The following RASGRF2 variants were observed in gnomAD, a reference collection of about 807,000 sequenced individuals.
The protein encoded by RASGRF2 is ras-specific guanine nucleotide-releasing factor 2.
A neutral mutation model predicts 151.0 loss-of-function variants in RASGRF2; 76 were observed. The ratio of observed to expected loss-of-function variants is 0.50; its 90% CI spans 0.42 to 0.61. The LOEUF is 0.61. Among genes scored for constraint, RASGRF2 ranks in the 20% least tolerant of loss-of-function variants. The pLI, the probability that RASGRF2 is intolerant of heterozygous loss-of-function variation, is 0.00. For synonymous variants in RASGRF2, 504 were observed against 566.5 expected (o/e 0.89, Z 1.57); for missense variants, 1,148 against 1,564.6 (o/e 0.73, Z 4.49).
chr5:81,034,826 T>A (rs1245999076), intron 1 of RASGRF2, among the ~76,000 whole-genome samples: 1 of 144,038 alleles, frequency 6.9e-6, no homozygotes, highest in Non-Finnish European at 1.5e-5. Context: ...AGGGATAGCA[T>A]TGGGAGATAT....
At chr5:81,032,378 A>T (rs1750291379) in intron 1 of RASGRF2, among the ~76,000 whole-genome samples, 2 of 152,264 alleles carry the variant, frequency 1.3e-5, no homozygotes, top group Admixed American at 1.3e-4. Flanking sequence ...CCTGATGAAC[A>T]TCGATGTAAA....
intron 5 of RASGRF2, among the ~76,000 whole-genome samples, chr5:81,075,275 T>G (rs1751903434): frequency 6.6e-6 from 1 of 152,090 alleles, no homozygotes; most frequent in Non-Finnish European, 1.5e-5. Flanking sequence ...AAAACAGTTG[T>G]GGATAAAGCA....
chr5:80,995,693 CTTT>C (rs1554083685), intron 1 of RASGRF2, among the ~76,000 whole-genome samples: 987 of 97,244 alleles, frequency 0.01, 33 homozygotes, highest in African/African-American at 0.036. Context: ...TTCCCCCCCC[CTTT>C]TTTTTTTTTT....
chr5:81,087,432 A>C, intron 9 of RASGRF2: 1 of 661,588 alleles, frequency 1.5e-6, no homozygotes, highest in South Asian at 1.6e-5. Flanking sequence ...ATATAATTTG[A>C]TTCAACTGGT....
At position 81,229,386 on chromosome 5, in the gene RASGRF2, A is replaced by G. The variant is rs1287322446; in HGVS notation, c.*3616A>G. 1 of 152,226 alleles carries G rather than the reference A, an allele frequency of 6.6e-6. No individual in the cohort carries two copies. The highest frequency in any genetic ancestry group is 2.4e-5 in the African/African-American group (1 of 41,464). The allele number at this position is 152,226 out of a possible 1,614,324, so 9.4% of individuals were successfully genotyped here. A position where few individuals can be genotyped will look rare whatever the true frequency, so the allele number is the denominator to read the frequency against. ...AGTAAGAAATCAGATTGTAAGTTTA[A>G]TGGCTCCATTATAGATACCACCGTG... On this transcript the variant is annotated 3_prime_UTR_variant, in exon 27 of 27. Coordinates refer to ENST00000265080, the MANE Select transcript of RASGRF2 (RefSeq NM_006909.3).
intron 5 of RASGRF2, among the ~76,000 whole-genome samples, chr5:81,074,016 G>A (rs1751864329): frequency 6.6e-6 from 1 of 152,176 alleles, no homozygotes; most frequent in African/African-American, 2.4e-5. Flanking sequence ...ATGGAGATGT[G>A]TGTTGGGGAA....
chr5:81,055,319 G>C (rs1751160840), intron 2 of RASGRF2, among the ~76,000 whole-genome samples: 1 of 152,118 alleles, frequency 6.6e-6, no homozygotes, highest in African/African-American at 2.4e-5. Context: ...CTAATTTATT[G>C]AGAGTTTTTA....
intron 18 of RASGRF2, among the ~76,000 whole-genome samples, chr5:81,199,859 C>G (rs2112711401): frequency 6.9e-6 from 1 of 144,112 alleles, no homozygotes; most frequent in East Asian, 2.0e-4. Flanking sequence ...GATCACGTCA[C>G]TGCACTCCAG....
At chr5:81,185,583 A>AGT in intron 18 of RASGRF2, among the ~76,000 whole-genome samples, 1 of 152,246 alleles carries the variant, frequency 6.6e-6, no homozygotes, top group Non-Finnish European at 1.5e-5. Flanking sequence ...ATCTCACCAA[A>AGT]GTGCCCCACA....
chr5:81,116,193 C>T (rs984624635), intron 15 of RASGRF2, among the ~76,000 whole-genome samples: 3 of 147,744 alleles, frequency 2.0e-5, no homozygotes, highest in African/African-American at 7.4e-5. Flanking sequence ...AGCTATTCTC[C>T]TGCCTCAGCC....
At chr5:80,997,294 T>C (rs1748914839) in intron 1 of RASGRF2, 1 of 152,234 alleles carries the variant, frequency 6.6e-6, no homozygotes, top group Admixed American at 6.5e-5. Context: ...CAAATTAGAA[T>C]GTCTTCACTA....
At chr5:81,136,640 G>A (rs1753760525) in intron 17 of RASGRF2, among the ~76,000 whole-genome samples, 1 of 152,086 alleles carries the variant, frequency 6.6e-6, no homozygotes. Flanking sequence ...TGAGCTTCCT[G>A]GATCTGGGTT....
chr5:81,100,975 G>T (rs1752683579), intron 12 of RASGRF2, among the ~76,000 whole-genome samples: 1 of 152,140 alleles, frequency 6.6e-6, no homozygotes, highest in African/African-American at 2.4e-5. Context: ...AAAACTCTTG[G>T]TGGAGAAGTC....
intron 1 of RASGRF2, among the ~76,000 whole-genome samples, chr5:80,964,940 T>A (rs930853318): frequency 6.6e-6 from 1 of 152,086 alleles, no homozygotes; most frequent in Non-Finnish European, 1.5e-5. Flanking sequence ...AGAAGACACA[T>A]AGCAAAAAAG....
At chr5:81,115,119 A>C (rs1753115928) in intron 15 of RASGRF2, among the ~76,000 whole-genome samples, 3 of 152,336 alleles carry the variant, frequency 2.0e-5, no homozygotes, top group African/African-American at 7.2e-5. Flanking sequence ...GTCCAATTTC[A>C]AGGTGGATTG....
intron 1 of RASGRF2, among the ~76,000 whole-genome samples, chr5:80,969,014 TA>T (rs1025851468): frequency 1.2e-4 from 19 of 152,044 alleles, no homozygotes; most frequent in African/African-American, 4.3e-4. Context: ...GATCATGGTG[TA>T]AAGTGTTTTC....
intron 18 of RASGRF2, among the ~76,000 whole-genome samples, chr5:81,194,460 TC>T (rs1392178817): frequency 6.6e-6 from 1 of 151,844 alleles, no homozygotes; most frequent in African/African-American, 2.4e-5. Context: ...TTTTAACTGA[TC>T]CAGGTAAAAT....
intron 19 of RASGRF2, among the ~76,000 whole-genome samples, chr5:81,202,833 A>C (rs1755427423): frequency 6.6e-6 from 1 of 152,246 alleles, no homozygotes; most frequent in Non-Finnish European, 1.5e-5. Flanking sequence ...AAGCCAAAGA[A>C]AGCCAAAGAT....
At chr5:80,988,360 T>C (rs1748544016) in intron 1 of RASGRF2, among the ~76,000 whole-genome samples, 1 of 152,162 alleles carries the variant, frequency 6.6e-6, no homozygotes, top group African/African-American at 2.4e-5. Flanking sequence ...CTATCATCTC[T>C]TTAATTAGTC....
Sources: gnomAD v4.1 joint callset for allele counts (sites outside exome capture counted in the v4.1 genomes callset) on GRCh38, gnomAD v4.1.1 for gene constraint, MANE v1.5 for transcripts, NCBI Gene and HGNC (gene_info 2026-07-23, HGNC 2026-07-21) for gene names.